The following SCAI variants were observed in gnomAD, a reference collection of about 807,000 sequenced individuals.
SCAI encodes the protein protein SCAI.
SCAI carries 24 observed loss-of-function variants against 92.2 expected under a neutral mutation model. The ratio of observed to expected loss-of-function variants is 0.26; its 90% CI spans 0.19 to 0.37. The LOEUF is 0.37. SCAI is among the 10% of genes least tolerant of loss of function. The probability of loss-of-function intolerance (pLI) is 1.00; values close to 1 mark genes in which losing one functional copy is unlikely to be tolerated. For synonymous variants in SCAI, 261 were observed against 258.6 expected (o/e 1.01, Z -0.09); for missense variants, 450 against 736.2 (o/e 0.61, Z 4.50).
chr9:124,986,248 G>A (rs897514457), intron 14 of SCAI, among the ~76,000 whole-genome samples: 3 of 151,260 alleles, frequency 2.0e-5, no homozygotes, highest in Non-Finnish European at 3.0e-5. Flanking sequence ...CCGAGATCAC[G>A]CCACTGCACT....
intron 2 of SCAI, among the ~76,000 whole-genome samples, chr9:125,068,185 C>A (rs1643625998): frequency 6.6e-6 from 1 of 152,114 alleles, no homozygotes; most frequent in Non-Finnish European, 1.5e-5. Flanking sequence ...ACTGTGATTG[C>A]AAGTTTTTAA....
At chr9:125,134,284 C>T (rs1456043762) in intron 2 of SCAI, among the ~76,000 whole-genome samples, 1 of 152,076 alleles carries the variant, frequency 6.6e-6, no homozygotes, top group Non-Finnish European at 1.5e-5. Context: ...ACTGTGTAAA[C>T]CTTTGTATAT....
chr9:125,095,810 C>T (rs1164378915), intron 2 of SCAI, among the ~76,000 whole-genome samples: 9 of 151,976 alleles, frequency 5.9e-5, no homozygotes, highest in Admixed American at 2.6e-4. Context: ...AGAGAAGAAG[C>T]CTGGAAAAAC....
intron 9 of SCAI, among the ~76,000 whole-genome samples, chr9:125,008,483 C>G (rs1832562660): frequency 6.6e-6 from 1 of 151,384 alleles, no homozygotes; most frequent in Admixed American, 6.6e-5. Flanking sequence ...GCTGCCCAGG[C>G]TAGGAAAAAA....
rs1003159377 is a variant in SCAI at position 125,091,904 on chromosome 9, G to T, written c.99-35897C>A. 1.3e-5 allele frequency among the ~76,000 whole-genome samples: 2 copies of T among 152,120 alleles called. No individual in the cohort carries two copies. Among genetic ancestry groups the T allele is most frequent in the African/African-American group, 4.8e-5 (2 of 41,434 alleles). On this transcript the variant is annotated intron_variant, in intron 2 of 17. Transcript: ENST00000336505. This position sits in a 1 kb window ranked among gnomAD's most constrained non-coding sequence, Gnocchi z 4.3. ...AGGCGAGCAGATCACGAGGTCAGGAGATCGAGACCATCCTGGCTAACACGA... is the reference window on the plus strand; with the variant it reads ...AGGCGAGCAGATCACGAGGTCAGGATATCGAGACCATCCTGGCTAACACGA...
At chr9:124,965,253 G>T (rs1831516443) in intron 17 of SCAI, among the ~76,000 whole-genome samples, 1 of 152,014 alleles carries the variant, frequency 6.6e-6, no homozygotes, top group African/African-American at 2.4e-5. Context: ...TGTCGGGGGG[G>T]AATGGAGTCT....
chr9:125,143,439 C>A lies in SCAI; in HGVS notation c.-2G>T. The A allele has an allele frequency of 1.4e-6, 2 of 1,386,106 alleles. No homozygotes were observed. Among genetic ancestry groups the A allele is most frequent in the East Asian group, 3.1e-5 (1 of 32,634 alleles). The allele number at this position is 1,386,106 out of a possible 1,614,324, so 85.9% of individuals were successfully genotyped here. ...GGGCTGCCGGGCTCCTCTGACCATC[C>A]GGCTCCTGCTCCGCCGCGGGAGCTG... On this transcript the variant is annotated 5_prime_UTR_variant, in exon 1 of 18. Transcript: ENST00000336505.
intron 2 of SCAI, among the ~76,000 whole-genome samples, chr9:125,126,711 G>C (rs1450644672): frequency 1.3e-5 from 2 of 152,162 alleles, no homozygotes; most frequent in Admixed American, 6.6e-5. Flanking sequence ...GCTAAGTCCA[G>C]CCCACACTCA....
At chr9:125,115,309 T>C (rs143398782) in intron 2 of SCAI, among the ~76,000 whole-genome samples, 3,210 of 147,156 alleles carry the variant, frequency 0.022, 125 homozygotes, top group African/African-American at 0.077. Flanking sequence ...GAGGCGGAGC[T>C]TGCAGTGAGC....
intron 17 of SCAI, among the ~76,000 whole-genome samples, chr9:124,958,494 G>C (rs1391126585): frequency 1.3e-5 from 2 of 152,134 alleles, no homozygotes; most frequent in African/African-American, 4.8e-5. Flanking sequence ...TATGGTACTA[G>C]GACAACTGCA....
chr9:124,974,911 G>A (rs1037949616), intron 15 of SCAI, among the ~76,000 whole-genome samples: 2 of 152,084 alleles, frequency 1.3e-5, no homozygotes, highest in African/African-American at 4.8e-5. Flanking sequence ...TGGCTGAGTC[G>A]GGATTCAAAT....
At chr9:125,140,855 T>C (rs541083765) in intron 2 of SCAI, among the ~76,000 whole-genome samples, 13 of 150,580 alleles carry the variant, frequency 8.6e-5, no homozygotes, top group African/African-American at 3.2e-4. Context: ...CCAGACCCTG[T>C]CTCAAAAAAA....
Position 125,142,619 on chromosome 9 carries a change from A to C in SCAI, c.98+14T>G. ...AAGAAAAACATGAAGCAAAATAGGA[A>C]GGCACTGCCTTACCTGCTTCTCCGT... On this transcript the variant is annotated intron_variant, in intron 2 of 17. Transcript: ENST00000336505. 6.2e-7 allele frequency: 1 copy of C among 1,610,706 alleles called. No homozygotes were observed. The highest frequency in any genetic ancestry group is 8.5e-7 in the Non-Finnish European group (1 of 1,176,960).
Position 125,074,951 on chromosome 9 carries a change from ACAC to A in SCAI, c.99-18947_99-18945del, listed in dbSNP as rs78710717. On this transcript the variant is annotated intron_variant, in intron 2 of 17. Transcript: ENST00000336505. ...TCCAGGAGGCGGAGGTTGCAGGATC[ACAC>A]CACTACACTTCAGTCTGGGCAACAA... Among the ~76,000 whole-genome samples the A allele has an allele frequency of 4.4e-3, 677 of 152,190 alleles. 5 individuals carry two copies. Among genetic ancestry groups the A allele is most frequent in the Admixed American group, 7.4e-3 (113 of 15,272 alleles).
At chr9:125,108,207 C>T (rs1190566658) in intron 2 of SCAI, among the ~76,000 whole-genome samples, 2 of 152,264 alleles carry the variant, frequency 1.3e-5, no homozygotes, top group East Asian at 1.9e-4. Context: ...AGCCGCCTGC[C>T]TTGGCCTCCC....
chr9:124,991,685 A>G (rs1460756145), intron 14 of SCAI, among the ~76,000 whole-genome samples: 1 of 151,706 alleles, frequency 6.6e-6, no homozygotes, highest in Admixed American at 6.6e-5. Flanking sequence ...AAAAACACAA[A>G]AAGTAGCCAG....
intron 2 of SCAI, among the ~76,000 whole-genome samples, chr9:125,115,099 G>A (rs998864859): frequency 4.6e-5 from 7 of 151,940 alleles, no homozygotes; most frequent in Admixed American, 6.6e-5. Context: ...GCAGCCGGGC[G>A]CGGTGGTTCA....
chr9:125,046,196 G>GATATATATATATATATAT (rs71374222), intron 3 of SCAI, among the ~76,000 whole-genome samples: 890 of 51,640 alleles, frequency 0.017, 35 homozygotes, highest in South Asian at 0.022. Context: ...GAAATTGTGA[G>GATATATATATATATATAT]ATATATATAT....
intron 2 of SCAI, among the ~76,000 whole-genome samples, chr9:125,063,946 G>A (rs569068466): frequency 6.6e-6 from 1 of 152,060 alleles, no homozygotes; most frequent in Non-Finnish European, 1.5e-5. Context: ...TAGAGACGGG[G>A]TTTCACCATA....
Sources: allele counts gnomAD v4.1 joint callset (sites outside exome capture counted in the v4.1 genomes callset), GRCh38; gene constraint gnomAD v4.1.1; non-coding constraint Gnocchi (gnomAD v3.1); transcripts MANE v1.5; gene names NCBI Gene and HGNC (gene_info 2026-07-23, HGNC 2026-07-21).